GNPTAB: variants seen among roughly 807,000 people sequenced by gnomAD.
The protein encoded by GNPTAB is N-acetylglucosamine-1-phosphate transferase subunits alpha and beta.
GNPTAB carries 92 observed loss-of-function variants against 136.6 expected under a neutral mutation model. The ratio of observed to expected loss-of-function variants is 0.67; its 90% CI spans 0.57 to 0.80. GNPTAB has a LOEUF of 0.80. Ranked by LOEUF, GNPTAB falls within the 30% of genes least tolerant of loss-of-function variation. The pLI is 0.00. For missense variants in GNPTAB, 1,343 were observed against 1,501.8 expected (o/e 0.89, Z 1.75); for synonymous variants, 512 against 535.1 (o/e 0.96, Z 0.60).
At position 101,788,701 on chromosome 12, in the gene GNPTAB, G is replaced by A. The variant is rs1403434163; in HGVS notation, c.324-112C>T. On this transcript the variant is annotated intron_variant, in intron 3 of 20. Coordinates refer to ENST00000299314, the MANE Select transcript of GNPTAB (RefSeq NM_024312.5). ...CTTTCATATTTTATTAGTAAAACAT[G>A]GTACCAGGCTGTCAGCCATTTTCAT... The A allele has an allele frequency of 1.3e-5, 9 of 694,774 alleles. No homozygotes were observed. The Admixed American group carries it at 2.0e-4, about 16-fold the overall frequency. The allele number at this position is 694,774 out of a possible 1,614,324, so 43.0% of individuals were successfully genotyped here. A position where few individuals can be genotyped will look rare whatever the true frequency, so the allele number is the denominator to read the frequency against.
Position 101,830,563 on chromosome 12 carries a change from C to G in GNPTAB, c.113G>C (p.Gly38Ala). ...VVTIVSAFQFGEVVLEWSRDQ... is the reference protein window; with the variant it reads ...VVTIVSAFQFAEVVLEWSRDQ... ...GGCTGCGGCGCCGCTACTCACCTCT[C>G]CGAACTGGAAGGCGGAGACGATGGT... Residue 38 changes from glycine (G) to alanine (A), a missense_variant, in exon 1 of 21, where the codon GGA becomes GCA. By Grantham distance (60) the Gly-to-Ala change is moderately conservative. Transcript: ENST00000299314. 1 of 1,606,206 alleles carries G rather than the reference C, an allele frequency of 6.2e-7. No homozygotes were observed. The highest frequency in any genetic ancestry group is 8.5e-7 in the Non-Finnish European group (1 of 1,174,022).
Position 101,830,626 on chromosome 12 carries a change from C to A in GNPTAB, c.50G>T (p.Arg17Met). 1.2e-6 allele frequency: 2 copies of A among 1,612,984 alleles called. No homozygotes were observed. The highest frequency in any genetic ancestry group is 2.2e-5 in the South Asian group (2 of 91,054). Residue 17 changes from arginine to methionine, a missense_variant, in exon 1 of 21, where the codon AGG becomes ATG. Coordinates refer to ENST00000299314, the MANE Select transcript of GNPTAB (RefSeq NM_024312.5). ...QRQTYTCLSH[R>M]YGLYVCFLGV... ...CAAGAAGCACACGTAGAGCCCATAC[C>A]TGTGGGACAGGCAGGTATAGGTCTG...
Position 101,770,125 on chromosome 12 carries a change from GATGA to G in GNPTAB, c.1176_1179del (p.His393AlafsTer12). The G allele has an allele frequency of 6.2e-7, 1 of 1,614,052 alleles. No homozygotes were observed. The highest frequency in any genetic ancestry group is 1.7e-5 in the Admixed American group (1 of 60,016). ...AACTTCTGGGACAGCCCTTCGATGCGATGAATGTGACTTTCAATAGCAGGTGAAC... is the reference window on the plus strand; with the variant it reads ...AACTTCTGGGACAGCCCTTCGATGCGATGTGACTTTCAATAGCAGGTGAAC... On this transcript the variant is annotated frameshift_variant, in exon 10 of 21. Coordinates refer to ENST00000299314, the MANE Select transcript of GNPTAB (RefSeq NM_024312.5). LOFTEE classifies it high-confidence loss of function.
At chr12:101,753,879 G>A (rs1294112377) in intron 18 of GNPTAB, among the ~76,000 whole-genome samples, 1 of 152,200 alleles carries the variant, frequency 6.6e-6, no homozygotes, top group African/African-American at 2.4e-5. Flanking sequence ...GCCAGGCATG[G>A]CGGCTCACAC....
At chr12:101,767,455 C>A (rs1172263802) in intron 11 of GNPTAB, among the ~76,000 whole-genome samples, 1 of 152,132 alleles carries the variant, frequency 6.6e-6, no homozygotes, top group African/African-American at 2.4e-5. Flanking sequence ...CCTATAAGAA[C>A]CAGTTAGAGT....
chr12:101,760,176 C>A (rs376864249), intron 15 of GNPTAB, 33 bp from the exon 16 acceptor site: 9 of 1,287,150 alleles, frequency 7.0e-6, no homozygotes, highest in Admixed American at 5.0e-5. Context: ...ATCTGTTATG[C>A]GCATTGTAAG....
At chr12:101,793,829 CTTAT>C (rs574103129) in intron 2 of GNPTAB, among the ~76,000 whole-genome samples, 18 of 152,056 alleles carry the variant, frequency 1.2e-4, no homozygotes, top group African/African-American at 2.4e-4. Context: ...TTTTGTCTTA[CTTAT>C]TTATTTATTT....
intron 1 of GNPTAB, among the ~76,000 whole-genome samples, chr12:101,799,045 G>GT (rs1391051088): frequency 8.3e-6 from 1 of 120,356 alleles, no homozygotes. Context: ...AAGAATCATT[G>GT]TTTTTTAAAA....
At chr12:101,781,613 AG>A (rs1953346225) in intron 5 of GNPTAB, among the ~76,000 whole-genome samples, 1 of 152,146 alleles carries the variant, frequency 6.6e-6, no homozygotes, top group Non-Finnish European at 1.5e-5. Flanking sequence ...TGAGCCCCGG[AG>A]TTGGGGCTGT....
intron 1 of GNPTAB, among the ~76,000 whole-genome samples, chr12:101,799,145 C>T (rs532907457): frequency 1.3e-5 from 2 of 152,070 alleles, no homozygotes; most frequent in African/African-American, 2.4e-5. Flanking sequence ...ATTGAAAATG[C>T]GCTTTAACGT....
intron 1 of GNPTAB, among the ~76,000 whole-genome samples, chr12:101,804,395 A>G (rs1179629104): frequency 3.3e-5 from 5 of 152,176 alleles, no homozygotes; most frequent in Non-Finnish European, 7.4e-5. Context: ...AAAGTATTCA[A>G]ACCGACTTTC....
chr12:101,823,023 C>T (rs899896395), intron 1 of GNPTAB, among the ~76,000 whole-genome samples: 1 of 152,180 alleles, frequency 6.6e-6, no homozygotes, highest in Non-Finnish European at 1.5e-5. Flanking sequence ...AAAGTAACCC[C>T]TTTCTCCTTT....
intron 4 of GNPTAB, among the ~76,000 whole-genome samples, chr12:101,787,047 C>T (rs1868695881): frequency 6.6e-6 from 1 of 152,142 alleles, no homozygotes; most frequent in African/African-American, 2.4e-5. Context: ...GTCTAATACA[C>T]ATATGTATAC....
At chr12:101,815,186 G>C (rs1870453653) in intron 1 of GNPTAB, among the ~76,000 whole-genome samples, 1 of 152,048 alleles carries the variant, frequency 6.6e-6, no homozygotes, top group Non-Finnish European at 1.5e-5. Flanking sequence ...TCCCACCTCA[G>C]CCTCCCAAGT....
Position 101,760,097 on chromosome 12 carries a change from A to G in GNPTAB, c.3182T>C (p.Leu1061Pro), listed in dbSNP as rs143333669. The G allele has an allele frequency of 1.2e-5, 20 of 1,613,466 alleles. No individual in the cohort carries two copies. Among genetic ancestry groups the G allele is most frequent in the Admixed American group, 1.7e-5 (1 of 59,996 alleles). Reference protein sequence around the residue: ...EHMLINCSKMLPADITQLNNI... With the variant: ...EHMLINCSKMPPADITQLNNI... The stretch of plus-strand genomic sequence containing the variant: ...ATTTAGCTGCGTGATATCAGCAGGA[A>G]GCATTTTTGAGCAATTTATTAGCAT... Residue 1061 changes from leucine (L) to proline (P), a missense_variant, in exon 16 of 21, where the codon CTT becomes CCT. Coordinates refer to ENST00000299314, the MANE Select transcript of GNPTAB (RefSeq NM_024312.5).
chr12:101,798,632 C>A (rs934695999), intron 1 of GNPTAB, among the ~76,000 whole-genome samples: 1 of 152,188 alleles, frequency 6.6e-6, no homozygotes, highest in African/African-American at 2.4e-5. Flanking sequence ...CATAAAAATG[C>A]AGCAATAAAT....
intron 10 of GNPTAB, among the ~76,000 whole-genome samples, 191 bp downstream of exon 10, chr12:101,769,830 T>C (rs1180185425): frequency 6.6e-6 from 1 of 152,136 alleles, no homozygotes; most frequent in African/African-American, 2.4e-5. Flanking sequence ...GGTCTCACTA[T>C]GCTTCCCAAG....
intron 15 of GNPTAB, 39 bp from the exon 16 acceptor site, chr12:101,760,182 G>A (rs377531309): frequency 2.5e-6 from 3 of 1,196,072 alleles, no homozygotes; most frequent in South Asian, 1.2e-5. Flanking sequence ...TATGCGCATT[G>A]TAAGTAATGA....
chr12:101,768,111 G>A lies in GNPTAB; in HGVS notation c.1334C>T (p.Ser445Phe), dbSNP rs755439206. 1.9e-6 allele frequency: 3 copies of A among 1,613,976 alleles called. No homozygotes were observed. The highest frequency in any genetic ancestry group is 2.5e-6 in the Non-Finnish European group (3 of 1,179,976). Residue 445 changes from serine (S) to phenylalanine (F), a missense_variant, in exon 11 of 21, where the codon TCC (serine) becomes TTC (phenylalanine). Coordinates refer to ENST00000299314, the MANE Select transcript of GNPTAB (RefSeq NM_024312.5). The stretch of plus-strand genomic sequence containing the variant: ...GTCACAATAGCCATCCTTAATCCAG[G>A]AACCTGGGCAGCCCTCGGCACAGTT... ...VPNCAEGCPG[S>F]WIKDGYCDKA...
Sources: gnomAD v4.1 joint callset for allele counts (sites outside exome capture counted in the v4.1 genomes callset) on GRCh38, gnomAD v4.1.1 for gene constraint, MANE v1.5 for transcripts, NCBI Gene and HGNC (gene_info 2026-07-23, HGNC 2026-07-21) for gene names.